The following SNX5 variants were observed in gnomAD, a reference collection of about 807,000 sequenced individuals.
The protein encoded by SNX5 is sorting nexin 5.
SNX5 carries 31 observed loss-of-function variants against 53.9 expected under a neutral mutation model. That is an observed-to-expected ratio of 0.58 (90% CI 0.43 to 0.78). SNX5 has a LOEUF of 0.78. Among genes scored for constraint, SNX5 ranks in the 30% least tolerant of loss-of-function variants. The probability of loss-of-function intolerance (pLI) is 0.00; values close to 1 mark genes in which losing one functional copy is unlikely to be tolerated. For synonymous variants in SNX5, 168 were observed against 171.1 expected, an observed-to-expected ratio of 0.98 and a Z score of 0.14; for missense variants, 471 against 478.8, an observed-to-expected ratio of 0.98 and a Z score of 0.15.
chr20:17,961,337 CA>C, intron 1 of SNX5: 1 of 985,386 alleles, frequency 1.0e-6, no homozygotes, highest in East Asian at 1.1e-4. Flanking sequence ...CTGAACAACA[CA>C]AAAGGCAAGA....
chr20:17,952,851 G>T, intron 4 of SNX5, 141 bp from the exon 5 acceptor site: 2 of 980,240 alleles, frequency 2.0e-6, no homozygotes, highest in Non-Finnish European at 1.4e-6. Flanking sequence ...AGTATAAACT[G>T]GTGTCTAGTT....
intron 1 of SNX5, chr20:17,961,254 T>C: frequency 1.0e-6 from 1 of 985,406 alleles, no homozygotes; most frequent in Non-Finnish European, 1.2e-6. Flanking sequence ...CAAATTTCAC[T>C]TACGACTCTA....
In SNX5 at chr20:17,948,903, A is replaced by C; in HGVS notation, c.905T>G (p.Ile302Ser). The C allele has an allele frequency of 6.2e-7, 1 of 1,612,032 alleles. No individual in the cohort carries two copies. The highest frequency in any genetic ancestry group is 8.5e-7 in the Non-Finnish European group (1 of 1,179,796). Residue 302 changes from isoleucine (I) to serine (S), a missense_variant, in exon 10 of 13, where the codon ATT becomes AGT. Physicochemically the swap from Ile to Ser is moderately radical, Grantham distance 142 (BLOSUM62 -2). Coordinates refer to ENST00000377759, the MANE Select transcript of SNX5 (RefSeq NM_014426.4). ...CTCTCTTCCTACCTTAGCAGCTTCA[A>C]TGTTGAGCATGTAGTATCGGAGGAG... ...TELLRYYMLNIEAAKDLLYRR... is the reference protein window; with the variant it reads ...TELLRYYMLNSEAAKDLLYRR...
At chr20:17,965,951 C>A (rs1054720744) in intron 1 of SNX5, among the ~76,000 whole-genome samples, 3 of 151,992 alleles carry the variant, frequency 2.0e-5, no homozygotes, top group African/African-American at 7.2e-5. Context: ...ACCAACTGCA[C>A]TCCATTCTAG....
chr20:17,948,094 T>C (rs1269314385), intron 10 of SNX5, among the ~76,000 whole-genome samples: 1 of 152,236 alleles, frequency 6.6e-6, no homozygotes, highest in Non-Finnish European at 1.5e-5. Flanking sequence ...CTTAGTCAGA[T>C]ATAAAGATTC....
At chr20:17,959,491 A>G (rs2035415201) in intron 1 of SNX5, among the ~76,000 whole-genome samples, 1 of 152,098 alleles carries the variant, frequency 6.6e-6, no homozygotes, top group Non-Finnish European at 1.5e-5. Flanking sequence ...TTGCCCAGAC[A>G]TTTCGCCCTA....
chr20:17,947,378 G>A, intron 11 of SNX5, 108 bp downstream of exon 11: 1 of 1,217,436 alleles, frequency 8.2e-7, no homozygotes, highest in Non-Finnish European at 1.1e-6. Flanking sequence ...GTGAAGTGCT[G>A]ACACTGGGTG....
At chr20:17,956,673 C>CAAAAAAAAAAAAAAAAAAAAA (rs59252584) in intron 2 of SNX5, among the ~76,000 whole-genome samples, 3 of 84,884 alleles carry the variant, frequency 3.5e-5, no homozygotes, top group Non-Finnish European at 6.6e-5. Context: ...AGACTGTCTC[C>CAAAAAAAAAAAAAAAAAAAAA]AAAAAAAAAA....
intron 6 of SNX5, 40 bp from the exon 7 acceptor site, chr20:17,950,436 A>G (rs2039550559): frequency 8.9e-7 from 1 of 1,126,888 alleles, no homozygotes; most frequent in Admixed American, 1.9e-5. Flanking sequence ...TTCATGAAAT[A>G]TACTATCCCT....
chr20:17,956,697 A>AAC (rs1555787065), intron 2 of SNX5, among the ~76,000 whole-genome samples: 117 of 126,542 alleles, frequency 9.2e-4, no homozygotes, highest in African/African-American at 2.3e-3. Context: ...AAAAAAAAAA[A>AAC]AAAAAAACAA....
At chr20:17,942,519 A>G (rs2122332897) in intron 12 of SNX5, 112 bp from the exon 13 acceptor site, 2 of 799,094 alleles carry the variant, frequency 2.5e-6, no homozygotes, top group East Asian at 2.5e-5. Context: ...AGTCAGCCAG[A>G]GCAAGCTGGC....
intron 1 of SNX5, among the ~76,000 whole-genome samples, chr20:17,964,745 AG>A (rs2035510977): frequency 6.6e-6 from 1 of 152,204 alleles, no homozygotes; most frequent in Non-Finnish European, 1.5e-5. Context: ...ACTAACCTAT[AG>A]ATCTGTTCTC....
At chr20:17,960,448 G>C (rs2035428260) in intron 1 of SNX5, among the ~76,000 whole-genome samples, 1 of 152,196 alleles carries the variant, frequency 6.6e-6, no homozygotes, top group African/African-American at 2.4e-5. Context: ...ACAAAAATTA[G>C]CTGGGCATGG....
rs753263158 is a variant in SNX5 at position 17,950,338 on chromosome 20, A to T, written c.668T>A (p.Ile223Asn). 6.2e-7 allele frequency: 1 copy of T among 1,613,740 alleles called. No homozygotes were observed. The highest frequency in any genetic ancestry group is 8.5e-7 in the Non-Finnish European group (1 of 1,179,624). The change falls in exon 7 of 13, where the codon ATC (isoleucine) becomes AAC (asparagine). Residue 223 changes from isoleucine to asparagine, a missense_variant. By Grantham distance (149) the Ile-to-Asn change is moderately radical (BLOSUM62 -3). Transcript: ENST00000377759. The stretch of plus-strand genomic sequence containing the variant: ...GTCAGCTTTCACACAAGAATCTTTG[A>T]TCCTATTGTAATAGTTAATAAGGAA... Reference protein sequence around the residue: ...KNFLINYYNRIKDSCVKADKM... With the variant: ...KNFLINYYNRNKDSCVKADKM...
chr20:17,950,394 C>G lies in SNX5; in HGVS notation c.612G>C (p.Glu204Asp). 6.3e-7 allele frequency: 1 copy of G among 1,577,204 alleles called. No homozygotes were observed. Among genetic ancestry groups the G allele is most frequent in the Non-Finnish European group, 8.7e-7 (1 of 1,149,258 alleles). ...ADEVLFTGVK[E>D]VDDFFEQEKN... ...TCTCTTGCTCAAAGAAGTCATCTAC[C>G]TCCTAGAAGGAAGAAAAAAAGAACC... is the stretch of plus-strand genomic sequence containing the variant. The change falls in exon 7 of 13, where the codon GAG becomes GAC. Residue 204 changes from glutamate to aspartate, a missense_variant and splice_region_variant. Coordinates refer to ENST00000377759, the MANE Select transcript of SNX5 (RefSeq NM_014426.4).
chr20:17,944,413 G>A (rs1294820760), intron 11 of SNX5: 2 of 152,110 alleles, frequency 1.3e-5, no homozygotes, highest in East Asian at 1.9e-4. Context: ...TTCCACAAAT[G>A]CAATACAATG....
At chr20:17,958,372 GTCAA>G (rs1443090472) in intron 1 of SNX5, among the ~76,000 whole-genome samples, 1 of 152,140 alleles carries the variant, frequency 6.6e-6, no homozygotes, top group Non-Finnish European at 1.5e-5. Flanking sequence ...TGAAAATCTG[GTCAA>G]TCAGCTATAA....
chr20:17,968,497 G>C lies in SNX5; in HGVS notation c.-72C>G. 2 of 1,256,688 alleles carry C rather than the reference G, an allele frequency of 1.6e-6. No homozygotes were observed. The highest frequency in any genetic ancestry group is 2.0e-6 in the Non-Finnish European group (2 of 989,068). The allele number at this position is 1,256,688 out of a possible 1,614,324, so 77.8% of individuals were successfully genotyped here. ...AAGAAGCTGGGCCGCCGCCGCCGCC[G>C]CCTGGGCGCCTCTCGGGGGCGGCCA... is the stretch of plus-strand genomic sequence containing the variant. On this transcript the variant is annotated 5_prime_UTR_variant, in exon 1 of 13. Transcript: ENST00000377759.
At chr20:17,947,804 G>A (rs181838198) in intron 10 of SNX5, among the ~76,000 whole-genome samples, 159 bp from the exon 11 acceptor site, 1 of 152,316 alleles carries the variant, frequency 6.6e-6, no homozygotes, top group African/African-American at 2.4e-5. Context: ...GCAGGGATGA[G>A]CAATGCTGAT....
Sources: gnomAD v4.1 joint callset for allele counts (sites outside exome capture counted in the v4.1 genomes callset) on GRCh38, gnomAD v4.1.1 for gene constraint, MANE v1.5 for transcripts, NCBI Gene and HGNC (gene_info 2026-07-23, HGNC 2026-07-21) for gene names.